Variants in CFTR observed in about 807,000 individuals in gnomAD.
The protein encoded by CFTR is CF transmembrane conductance regulator, also known as cystic fibrosis transmembrane conductance regulator.
In CFTR, 181 loss-of-function variants were observed where a neutral mutation model predicts 171.6. The observed-to-expected ratio is 1.05, with a 90% CI of 0.93 to 1.19. CFTR has a LOEUF of 1.19. CFTR is among the 50% of genes most tolerant of loss of function. The pLI, the probability that CFTR is intolerant of heterozygous loss-of-function variation, is 0.00. For missense variants in CFTR, 1,968 were observed against 1,734.7 expected (o/e 1.13, Z -2.39); for synonymous variants, 583 against 608.0 (o/e 0.96, Z 0.60).
At chr7:117,590,271 T>C in intron 12 of CFTR, 82 bp from the exon 13 acceptor site, 1 of 1,521,400 alleles carries the variant, frequency 6.6e-7, no homozygotes, top group Non-Finnish European at 9.0e-7. Context: ...ATGCATGTAG[T>C]GAACTGTTTA....
At position 117,627,374 on chromosome 7, in the gene CFTR, T is replaced by G. The variant is rs1324110392; in HGVS notation, c.3469-148T>G. The G allele has an allele frequency of 1.6e-5, 13 of 800,248 alleles. No homozygotes were observed. The Admixed American group carries it at 2.7e-4, about 17-fold the overall frequency. The allele number at this position is 800,248 out of a possible 1,614,324, so 49.6% of individuals were successfully genotyped here. The stretch of plus-strand genomic sequence containing the variant: ...AAACTTTTAATTATATCCAATTATT[T>G]CCTGTTAGTTCATTGAAAAGCCCGA... On this transcript the variant is annotated intron_variant, in intron 21 of 26. Transcript: ENST00000003084.
chr7:117,543,215 G>A (rs1799086455), intron 9 of CFTR, among the ~76,000 whole-genome samples: 1 of 152,180 alleles, frequency 6.6e-6, no homozygotes, highest in Non-Finnish European at 1.5e-5. Context: ...ATTGATATAA[G>A]TAACTTGAGC....
At chr7:117,486,666 G>A (rs1231886523) in intron 1 of CFTR, among the ~76,000 whole-genome samples, 1 of 151,912 alleles carries the variant, frequency 6.6e-6, no homozygotes, top group African/African-American at 2.4e-5. Flanking sequence ...ATATGTGACA[G>A]AGATTTGTGG....
chr7:117,508,358 CAG>C (rs1798456687), intron 2 of CFTR, among the ~76,000 whole-genome samples: 2 of 152,168 alleles, frequency 1.3e-5, no homozygotes, highest in East Asian at 1.9e-4. Context: ...TAAAAGAAAA[CAG>C]AAAGTTTACT....
chr7:117,542,075 AG>A lies in CFTR; in HGVS notation c.1177del (p.Val393Ter), dbSNP rs397508171. On this transcript the variant is annotated frameshift_variant, in exon 9 of 27. Transcript: ENST00000003084. LOFTEE classifies it high-confidence loss of function. ...LEYNLTTTEVVMENVTAFWEE... is the reference protein window; with the variant it reads ...LEYNLTTTEVXMENVTAFWEE... ...AATATAACTTAACGACTACAGAAGT[AG>A]TGATGGAGAATGTAACAGCCTTCTG... 2 of 1,602,056 alleles carry A rather than the reference AG, an allele frequency of 1.2e-6. No homozygotes were observed. The highest frequency in any genetic ancestry group is 1.7e-6 in the Non-Finnish European group (2 of 1,169,148).
intron 22 of CFTR, among the ~76,000 whole-genome samples, chr7:117,635,383 C>T (rs868815151): frequency 6.6e-6 from 1 of 151,860 alleles, no homozygotes; most frequent in Non-Finnish European, 1.5e-5. Flanking sequence ...AGTTGTTTTT[C>T]GATCCACTTT....
intron 11 of CFTR, among the ~76,000 whole-genome samples, chr7:117,573,329 C>T (rs565836019): frequency 6.6e-6 from 1 of 152,226 alleles, no homozygotes; most frequent in Non-Finnish European, 1.5e-5. Context: ...ATTACTTTGA[C>T]CCTCTCTAGT....
At chr7:117,566,195 A>C (rs1425689376) in intron 11 of CFTR, among the ~76,000 whole-genome samples, 1 of 151,632 alleles carries the variant, frequency 6.6e-6, no homozygotes, top group East Asian at 1.9e-4. Context: ...GCACTTTGGG[A>C]GGCCGAGGTG....
intron 4 of CFTR, among the ~76,000 whole-genome samples, chr7:117,532,678 T>C (rs1232724480): frequency 6.6e-6 from 1 of 152,172 alleles, no homozygotes; most frequent in South Asian, 2.1e-4. Context: ...ATACAGGATA[T>C]AGGTGCTTTC....
chr7:117,651,200 T>C (rs1253380482), intron 23 of CFTR, among the ~76,000 whole-genome samples: 2 of 152,206 alleles, frequency 1.3e-5, no homozygotes, highest in Admixed American at 6.5e-5. Flanking sequence ...GCAGGTAATA[T>C]ATTGTTTGAT....
chr7:117,660,433 A>C (rs214156), intron 24 of CFTR, among the ~76,000 whole-genome samples: 4,048 of 152,110 alleles, frequency 0.027, 171 homozygotes, highest in African/African-American at 0.091. Context: ...GGAGTTCAAG[A>C]CCAGCCTGGC....
Position 117,548,732 on chromosome 7 carries a change from C to A in CFTR, c.1301C>A (p.Ser434Ter), listed in dbSNP as rs367934560. 1.2e-6 allele frequency: 2 copies of A among 1,613,054 alleles called. No homozygotes were observed. The highest frequency in any genetic ancestry group is 2.7e-5 in the African/African-American group (2 of 74,882). ...GDDSLFFSNF[S>*]LLGTPVLKDI... ...GACAGCCTCTTCTTCAGTAATTTCT[C>A]ACTTCTTGGTACTCCTGTCCTGAAA... is the stretch of plus-strand genomic sequence containing the variant. Residue 434 changes from serine to a stop codon, truncating the protein, a stop_gained, in exon 10 of 27, where the codon TCA (serine) becomes TAA (stop). Coordinates refer to ENST00000003084, the MANE Select transcript of CFTR (RefSeq NM_000492.4). LOFTEE classifies it high-confidence loss of function.
chr7:117,660,777 G>GAT (rs1456046820), intron 24 of CFTR, among the ~76,000 whole-genome samples: 1 of 151,732 alleles, frequency 6.6e-6, no homozygotes, highest in Non-Finnish European at 1.5e-5. Flanking sequence ...CACTAAATCA[G>GAT]ATGATCTCTA....
rs778581398 is a variant in CFTR, at chr7:117,592,489, A to T, written c.2322A>T (p.Thr774=). Residue 774 remains threonine, a synonymous_variant, in exon 14 of 27, where the codon ACA becomes ACT. Coordinates refer to ENST00000003084, the MANE Select transcript of CFTR (RefSeq NM_000492.4). The part of the protein sequence containing the change: ...RRRQSVLNLM[T]HSVNQGQNIH... The stretch of plus-strand genomic sequence containing the variant: ...GGCAGTCTGTCCTGAACCTGATGAC[A>T]CACTCAGTTAACCAAGGTCAGAACA... The T allele has an allele frequency of 3.2e-6, 5 of 1,547,212 alleles. No homozygotes were observed. In the Admixed American group the frequency reaches 8.2e-5, roughly 25 times the overall value.
intron 11 of CFTR, among the ~76,000 whole-genome samples, chr7:117,560,481 C>G (rs1054029630): frequency 1.4e-4 from 21 of 152,084 alleles, no homozygotes; most frequent in African/African-American, 5.1e-4. Context: ...TTTATATAAT[C>G]TTTTATGAAA....
chr7:117,531,336 C>G (rs1188847222), intron 4 of CFTR, among the ~76,000 whole-genome samples: 1 of 151,734 alleles, frequency 6.6e-6, no homozygotes, highest in South Asian at 2.1e-4. Context: ...TAAACTGCCT[C>G]TGTTGTAGTT....
At chr7:117,623,800 C>T (rs1792614368) in intron 21 of CFTR, among the ~76,000 whole-genome samples, 1 of 152,068 alleles carries the variant, frequency 6.6e-6, no homozygotes, top group South Asian at 2.1e-4. Flanking sequence ...ATGGTGCTAA[C>T]CACTAGATGG....
intron 11 of CFTR, chr7:117,560,688 G>C (rs1203140295): frequency 1.3e-5 from 2 of 151,670 alleles, no homozygotes; most frequent in Non-Finnish European, 2.9e-5. Context: ...TACACTTTGA[G>C]AGCATAATGA....
intron 9 of CFTR, among the ~76,000 whole-genome samples, chr7:117,546,751 C>G (rs55926919): frequency 3.9e-5 from 6 of 152,322 alleles, no homozygotes; most frequent in African/African-American, 1.4e-4. Context: ...CCATATACAT[C>G]TGATCCAGCC....
Sources: allele counts gnomAD v4.1 joint callset (sites outside exome capture counted in the v4.1 genomes callset), GRCh38; gene constraint gnomAD v4.1.1; transcripts MANE v1.5; gene names NCBI Gene and HGNC (gene_info 2026-07-23, HGNC 2026-07-21).